RBP5: variants seen among roughly 807,000 people sequenced by gnomAD.
The protein encoded by RBP5 is retinol-binding protein 5.
In RBP5, 12 loss-of-function variants were observed where a neutral mutation model predicts 17.8. That is an observed-to-expected ratio of 0.67 (90% CI 0.43 to 1.09). The LOEUF is 1.09. Ranked by LOEUF, RBP5 falls within the 50% of genes least tolerant of loss-of-function variation. The pLI is 0.00. For synonymous variants in RBP5, 64 were observed against 68.1 expected (o/e 0.94, Z 0.30); for missense variants, 172 against 169.4 (o/e 1.02, Z -0.09).
downstream of RBP5, chr12:7,120,419 G>A (rs1198313738): frequency 1.3e-5 from 2 of 155,342 alleles, no homozygotes; most frequent in Admixed American, 1.3e-4. Context: ...CTTGCACCCT[G>A]GCCTCAGAGG....
In RBP5 at chr12:7,124,580, T is replaced by G. The variant is rs1258741466; in HGVS notation, c.354+49A>C. 2 of 1,062,890 alleles carry G rather than the reference T, an allele frequency of 1.9e-6. No individual in the cohort carries two copies. Among genetic ancestry groups the G allele is most frequent in the Non-Finnish European group, 2.9e-6 (2 of 683,938 alleles). 65.8% of individuals were successfully genotyped at this position (1,062,890 alleles called of 1,614,324 possible). A position where few individuals can be genotyped will look rare whatever the true frequency, so the allele number is the denominator to read the frequency against. On this transcript the variant is annotated intron_variant, in intron 3 of 3. Coordinates refer to ENST00000266560, the MANE Select transcript of RBP5 (RefSeq NM_031491.4). This position sits in a 1 kb window ranked among gnomAD's most constrained non-coding sequence, Gnocchi z 5.3. ...TATCTGGTTTGGACAAGGGGATGCCTTATAGCTGGAGGCCCTTCTCCCAGA... is the reference window on the plus strand; with the variant it reads ...TATCTGGTTTGGACAAGGGGATGCCGTATAGCTGGAGGCCCTTCTCCCAGA...
At position 7,124,929 on chromosome 12, in the gene RBP5, C is replaced by A. The variant is rs1939136652; in HGVS notation, c.253-199G>T. 1.3e-5 allele frequency among the ~76,000 whole-genome samples: 2 copies of A among 152,098 alleles called. No individual in the cohort carries two copies. The highest frequency in any genetic ancestry group is 2.4e-5 in the African/African-American group (1 of 41,414). On this transcript the variant is annotated intron_variant, in intron 2 of 3. Coordinates refer to ENST00000266560, the MANE Select transcript of RBP5 (RefSeq NM_031491.4). This position sits in a 1 kb window ranked among gnomAD's most constrained non-coding sequence, Gnocchi z 5.3. ...CTTTGTTTTTTGTGTTTTTTTGAGACAAGTTCTTGCTCTGTCACCCAGGCT... is the reference window on the plus strand; with the variant it reads ...CTTTGTTTTTTGTGTTTTTTTGAGAAAAGTTCTTGCTCTGTCACCCAGGCT...
At chr12:7,127,149 T>C (rs191224524) in intron 2 of RBP5, among the ~76,000 whole-genome samples, 1 of 152,112 alleles carries the variant, frequency 6.6e-6, no homozygotes, top group Non-Finnish European at 1.5e-5. Context: ...TGCGCCACCA[T>C]GCCTGCCTAA....
At position 7,124,824 on chromosome 12, in the gene RBP5, C is replaced by T. The variant is rs1291666023; in HGVS notation, c.253-94G>A. On this transcript the variant is annotated intron_variant, in intron 2 of 3. Transcript: ENST00000266560. The surrounding 1 kb of genome is among the most constrained non-coding windows in gnomAD (Gnocchi z 5.3). The stretch of plus-strand genomic sequence containing the variant: ...TGAATGGGCTCCCCCTTTTACTCCA[C>T]AGCAGATACTGTCTGCTGCAGCCCC... 1 of 736,908 alleles carries T rather than the reference C, an allele frequency of 1.4e-6. No homozygotes were observed. Among genetic ancestry groups the T allele is most frequent in the South Asian group, 1.6e-5 (1 of 63,248 alleles). 45.6% of individuals were successfully genotyped at this position (736,908 alleles called of 1,614,324 possible). A position where few individuals can be genotyped will look rare whatever the true frequency, so the allele number is the denominator to read the frequency against.
chr12:7,128,603 T>G lies in RBP5; in HGVS notation c.73+100A>C. ...GCCAGCCGCCTGAGCCTTTCCACAG[T>G]GTCCAACCCCGGGCATTCCCTCTTC... On this transcript the variant is annotated intron_variant, in intron 1 of 3. Coordinates refer to ENST00000266560, the MANE Select transcript of RBP5 (RefSeq NM_031491.4). This position sits in a 1 kb window ranked among gnomAD's most constrained non-coding sequence, Gnocchi z 5.3. 7.8e-7 allele frequency: 1 copy of G among 1,279,516 alleles called. No homozygotes were observed. Among genetic ancestry groups the G allele is most frequent in the Non-Finnish European group, 1.1e-6 (1 of 900,606 alleles). 79.3% of individuals were successfully genotyped at this position (1,279,516 alleles called of 1,614,324 possible).
chr12:7,128,755 G>A lies in RBP5; in HGVS notation c.21C>T (p.Gly7=). The A allele has an allele frequency of 6.2e-7, 1 of 1,605,110 alleles. No homozygotes were observed. The highest frequency in any genetic ancestry group is 8.5e-7 in the Non-Finnish European group (1 of 1,175,770). Residue 7 remains glycine, a synonymous_variant, in exon 1 of 4, where the codon GGC becomes GGT. Coordinates refer to ENST00000266560, the MANE Select transcript of RBP5 (RefSeq NM_031491.4). The surrounding 1 kb of genome is among the most constrained non-coding windows in gnomAD (Gnocchi z 5.3). MPPNLT[G]YYRFVSQKNM... Reference sequence around the variant, plus strand: ...TCTTCTGCGAGACAAAGCGGTAGTAGCCAGTGAGGTTGGGAGGCATTGTGT... The same window carrying A: ...TCTTCTGCGAGACAAAGCGGTAGTAACCAGTGAGGTTGGGAGGCATTGTGT...
intron 2 of RBP5, among the ~76,000 whole-genome samples, chr12:7,125,407 G>C (rs780758185): frequency 1.2e-4 from 19 of 152,310 alleles, no homozygotes; most frequent in African/African-American, 4.1e-4. Flanking sequence ...ATCCTACCAG[G>C]TAATCTCATT....
At chr12:7,125,500 A>C (rs780129960) in intron 2 of RBP5, among the ~76,000 whole-genome samples, 17 of 152,310 alleles carry the variant, frequency 1.1e-4, no homozygotes, top group Non-Finnish European at 2.4e-4. Context: ...CATTCCAATC[A>C]ACCTTTATTG....
intron 2 of RBP5, chr12:7,127,843 AG>A (rs1443999986): frequency 1.6e-6 from 1 of 636,802 alleles, no homozygotes; most frequent in African/African-American, 1.8e-5. Context: ...TAGGAGGACT[AG>A]GATCTGCAAA....
At chr12:7,127,547 T>A (rs957119072) in intron 2 of RBP5, 2 of 639,238 alleles carry the variant, frequency 3.1e-6, no homozygotes, top group African/African-American at 3.7e-5. Flanking sequence ...TGTATTGTTA[T>A]TTTTTATTTT....
At chr12:7,121,219 C>T (rs913811402), downstream of RBP5, among the ~76,000 whole-genome samples, 3 of 151,936 alleles carry the variant, frequency 2.0e-5, no homozygotes, top group Non-Finnish European at 4.4e-5. Context: ...ACTTGGGGTA[C>T]TTAAGGCTAG....
chr12:7,115,934 G>A (rs1451582188), exon 4 of RBP5: 2 of 152,082 alleles, frequency 1.3e-5, no homozygotes, highest in African/African-American at 2.4e-5. Context: ...GAATTCCATC[G>A]GGAGACAGCA....
At chr12:7,129,924 G>A, upstream of RBP5, 1 of 535,324 alleles carries the variant, frequency 1.9e-6, no homozygotes, top group Non-Finnish European at 2.4e-6. The surrounding 1 kb of genome is among the most constrained non-coding windows in gnomAD (Gnocchi z 5.5). Flanking sequence ...TCGCAGCCCT[G>A]GGCTACAAAT....
chr12:7,119,127 T>A (rs1939044557), downstream of RBP5: 1 of 144,980 alleles, frequency 6.9e-6, no homozygotes, highest in South Asian at 2.2e-4. Context: ...GGCTGGGGAG[T>A]CCAGGTCTGG....
rs1357401682 is a variant in RBP5, at chr12:7,128,878, G to C, written c.-103C>G. 4.4e-6 allele frequency: 4 copies of C among 916,514 alleles called. No individual in the cohort carries two copies. Among genetic ancestry groups the C allele is most frequent in the South Asian group, 1.4e-5 (1 of 70,802 alleles). 56.8% of individuals were successfully genotyped at this position (916,514 alleles called of 1,614,324 possible). A position where few individuals can be genotyped will look rare whatever the true frequency, so the allele number is the denominator to read the frequency against. On this transcript the variant is annotated 5_prime_UTR_variant, in exon 1 of 4. Coordinates refer to ENST00000266560, the MANE Select transcript of RBP5 (RefSeq NM_031491.4). The surrounding 1 kb of genome is among the most constrained non-coding windows in gnomAD (Gnocchi z 5.3). ...GAGATTCCAGCCAGCTCCACACACAGAGACAGGATGTGTAATGGCCGGGTT... is the reference window on the plus strand; with the variant it reads ...GAGATTCCAGCCAGCTCCACACACACAGACAGGATGTGTAATGGCCGGGTT...
downstream of RBP5, among the ~76,000 whole-genome samples, chr12:7,120,249 C>A (rs972510735): frequency 6.6e-6 from 1 of 152,018 alleles, no homozygotes; most frequent in Non-Finnish European, 1.5e-5. Context: ...ACGTTTTATA[C>A]CCCCGGTACC....
chr12:7,127,912 G>C (rs1471157552), intron 2 of RBP5, among the ~76,000 whole-genome samples: 2 of 152,260 alleles, frequency 1.3e-5, no homozygotes, highest in Non-Finnish European at 2.9e-5. Flanking sequence ...TGAAGTTATT[G>C]ATGCTAAAGT....
upstream of RBP5, chr12:7,129,229 AG>A (rs35400722): frequency 8.6e-6 from 2 of 232,980 alleles, no homozygotes; most frequent in African/African-American, 4.4e-5. The surrounding 1 kb of genome is among the most constrained non-coding windows in gnomAD (Gnocchi z 5.5). Flanking sequence ...GAGACACCTG[AG>A]GCTGGTCTGG....
Position 7,128,240 on chromosome 12 carries a change from C to A in RBP5, c.252G>T (p.Gln84His), listed in dbSNP as rs1357310070. Residue 84 changes from glutamine to histidine, a missense_variant and splice_region_variant, in exon 2 of 4, where the codon CAG (glutamine) becomes CAT (histidine). By Grantham distance (24) the Gln-to-His change is conservative. Transcript: ENST00000266560. The surrounding 1 kb of genome is among the most constrained non-coding windows in gnomAD (Gnocchi z 5.3). ...DLRSVDGRKC[Q>H]TIVTWEEEHL... is the part of the protein sequence containing the mutation. The stretch of plus-strand genomic sequence containing the variant: ...CACCGCCCAGCCAGGGGAAATGTAC[C>A]TGGCATTTTCGTCCGTCCACGCTCC... 4 of 1,608,202 alleles carry A rather than the reference C, an allele frequency of 2.5e-6. No individual in the cohort carries two copies. The highest frequency in any genetic ancestry group is 2.6e-6 in the Non-Finnish European group (3 of 1,176,058).
Sources: allele counts gnomAD v4.1 joint callset (sites outside exome capture counted in the v4.1 genomes callset), GRCh38; gene constraint gnomAD v4.1.1; non-coding constraint Gnocchi (gnomAD v3.1); transcripts MANE v1.5; gene names NCBI Gene and HGNC (gene_info 2026-07-23, HGNC 2026-07-21).